The following FHIT variants were observed in gnomAD, a reference collection of about 807,000 sequenced individuals.
FHIT encodes bis(5'-adenosyl)-triphosphatase.
A neutral mutation model predicts 17.9 loss-of-function variants in FHIT; 19 were observed. The observed-to-expected ratio is 1.06, with a 90% CI of 0.74 to 1.56. The LOEUF (loss-of-function observed/expected upper bound fraction) is 1.56, where lower values mean the gene tolerates loss of function less well. Ranked by LOEUF, FHIT falls within the 40% of genes most tolerant of loss-of-function variation. FHIT has a pLI of 0.00. For synonymous variants in FHIT, 81 were observed against 69.7 expected (o/e 1.16, Z -0.81); for missense variants, 248 against 189.2 (o/e 1.31, Z -1.82).
At chr3:60,315,331 G>A (rs1709117331) in intron 5 of FHIT, among the ~76,000 whole-genome samples, 1 of 152,172 alleles carries the variant, frequency 6.6e-6, no homozygotes, top group Admixed American at 6.5e-5. Context: ...AATCTTAAGT[G>A]TATAGCTCTG....
intron 5 of FHIT, among the ~76,000 whole-genome samples, chr3:60,439,249 G>T (rs114110478): frequency 6.6e-6 from 1 of 152,022 alleles, no homozygotes; most frequent in Non-Finnish European, 1.5e-5. Flanking sequence ...ATTTAAGGAG[G>T]TCTAGAACCA....
chr3:60,655,355 G>A (rs1553689292), intron 4 of FHIT, among the ~76,000 whole-genome samples: 1 of 152,154 alleles, frequency 6.6e-6, no homozygotes, highest in African/African-American at 2.4e-5. Context: ...TAAAAAGCAA[G>A]TACATTGTTA....
intron 5 of FHIT, among the ~76,000 whole-genome samples, chr3:60,120,552 G>C (rs2107218120): frequency 6.6e-6 from 1 of 152,314 alleles, no homozygotes; most frequent in East Asian, 1.9e-4. Flanking sequence ...GAGTACGACA[G>C]CAGCGAGGAC....
chr3:59,813,608 G>A (rs942769129), intron 8 of FHIT, among the ~76,000 whole-genome samples: 4 of 152,300 alleles, frequency 2.6e-5, no homozygotes, highest in Middle Eastern at 3.4e-3. Flanking sequence ...AATAAGCTGG[G>A]AGGGTTGTCA....
intron 5 of FHIT, among the ~76,000 whole-genome samples, chr3:60,501,044 T>C (rs1028765359): frequency 1.3e-5 from 2 of 152,176 alleles, no homozygotes; most frequent in Middle Eastern, 6.8e-3. Context: ...CAAGTAACAG[T>C]CAAGATCTGT....
At chr3:61,215,368 C>A (rs1450655312) in intron 1 of FHIT, among the ~76,000 whole-genome samples, 1 of 152,112 alleles carries the variant, frequency 6.6e-6, no homozygotes, top group Non-Finnish European at 1.5e-5. Flanking sequence ...ACACCAATAA[C>A]AGACAAACAG....
chr3:60,950,197 G>A (rs1418591957), intron 3 of FHIT, among the ~76,000 whole-genome samples: 1 of 152,174 alleles, frequency 6.6e-6, no homozygotes, highest in African/African-American at 2.4e-5. Flanking sequence ...TTTTCATTAA[G>A]TGAGGCATGA....
At chr3:60,583,595 A>C (rs974042964) in intron 4 of FHIT, among the ~76,000 whole-genome samples, 1 of 152,002 alleles carries the variant, frequency 6.6e-6, no homozygotes, top group Non-Finnish European at 1.5e-5. Flanking sequence ...ACCAATTATT[A>C]TTCTTCTTTC....
chr3:60,476,302 T>C (rs182419769), intron 5 of FHIT, among the ~76,000 whole-genome samples: 2 of 152,312 alleles, frequency 1.3e-5, no homozygotes, highest in Admixed American at 6.5e-5. Flanking sequence ...AAGTTCCTAT[T>C]ACTGTTAGTA....
At chr3:60,209,150 T>C (rs903568100) in intron 5 of FHIT, among the ~76,000 whole-genome samples, 7 of 152,086 alleles carry the variant, frequency 4.6e-5, no homozygotes, top group Middle Eastern at 3.4e-3. Context: ...TCAGGCCTTA[T>C]GAACCTAGTG....
At chr3:60,159,548 C>T (rs555858054) in intron 5 of FHIT, among the ~76,000 whole-genome samples, 4 of 152,250 alleles carry the variant, frequency 2.6e-5, no homozygotes, top group East Asian at 1.9e-4. Flanking sequence ...TACCACAATA[C>T]GTTAAAAAGC....
chr3:60,766,491 A>G (rs1456004309), intron 4 of FHIT, among the ~76,000 whole-genome samples: 1 of 152,126 alleles, frequency 6.6e-6, no homozygotes, highest in Non-Finnish European at 1.5e-5. Flanking sequence ...GTTTACCAGG[A>G]AGCTCAAATT....
At chr3:60,568,821 A>C (rs79138718) in intron 4 of FHIT, among the ~76,000 whole-genome samples, 26,722 of 152,030 alleles carry the variant, frequency 0.18, 2,850 homozygotes, top group East Asian at 0.42. Flanking sequence ...GCACATACTT[A>C]AAGAGGTAGA....
chr3:60,819,511 A>C (rs957117161), intron 4 of FHIT, among the ~76,000 whole-genome samples: 3 of 152,150 alleles, frequency 2.0e-5, no homozygotes, highest in Non-Finnish European at 2.9e-5. Context: ...CCTCATTGAA[A>C]ACTGCAATAG....
intron 5 of FHIT, among the ~76,000 whole-genome samples, chr3:60,511,573 C>A (rs2034952291): frequency 1.3e-5 from 2 of 151,842 alleles, no homozygotes; most frequent in South Asian, 4.2e-4. Flanking sequence ...GAGGAAGCAC[C>A]CCCATAGTGC....
intron 2 of FHIT, among the ~76,000 whole-genome samples, chr3:61,080,247 T>C (rs2035094319): frequency 6.6e-6 from 1 of 152,158 alleles, no homozygotes; most frequent in Non-Finnish European, 1.5e-5. Flanking sequence ...CTATGCACAA[T>C]ATAATCAAAT....
At chr3:60,352,373 T>C (rs375756243) in intron 5 of FHIT, among the ~76,000 whole-genome samples, 11 of 152,292 alleles carry the variant, frequency 7.2e-5, no homozygotes, top group African/African-American at 2.4e-4. Context: ...CATGTTAAAA[T>C]TGAAAGAAAT....
chr3:61,173,999 T>C (rs2038085890), intron 2 of FHIT, among the ~76,000 whole-genome samples: 1 of 152,236 alleles, frequency 6.6e-6, no homozygotes, highest in Non-Finnish European at 1.5e-5. Flanking sequence ...GATTGAATCT[T>C]GACCTGCAGT....
intron 1 of FHIT, among the ~76,000 whole-genome samples, chr3:61,249,928 AT>A (rs35161045): frequency 0.042 from 5,973 of 143,798 alleles, 231 homozygotes; most frequent in Non-Finnish European, 0.059. Context: ...TATGCAATCA[AT>A]AACAACACAC....
Sources: gnomAD v4.1 joint callset for allele counts (sites outside exome capture counted in the v4.1 genomes callset) on GRCh38, gnomAD v4.1.1 for gene constraint, MANE v1.5 for transcripts, NCBI Gene and HGNC (gene_info 2026-07-23, HGNC 2026-07-21) for gene names.